The following RANBP3 variants were observed in gnomAD, a reference collection of about 807,000 sequenced individuals.
RANBP3 encodes RAN binding protein 3.
RANBP3 carries 14 observed loss-of-function variants against 77.3 expected under a neutral mutation model. The observed-to-expected ratio is 0.18, with a 90% CI of 0.12 to 0.28. RANBP3 has a LOEUF of 0.28. Among genes scored for constraint, RANBP3 ranks in the 10% least tolerant of loss-of-function variants. RANBP3 has a pLI of 1.00. For missense variants in RANBP3, 586 were observed against 752.3 expected (o/e 0.78, Z 2.59); for synonymous variants, 315 against 312.4 (o/e 1.01, Z -0.09).
rs115310383 is a variant in RANBP3 at position 5,958,983 on chromosome 19, G to A, written c.23-1010C>T. 5.3e-3 allele frequency among the ~76,000 whole-genome samples: 812 copies of A among 152,366 alleles called. 5 individuals are homozygous for A. Among genetic ancestry groups the A allele is most frequent in the African/African-American group, 0.018 (769 of 41,586 alleles). On this transcript the variant is annotated intron_variant, in intron 1 of 16. Transcript: ENST00000340578. This position sits in a 1 kb window ranked among gnomAD's most constrained non-coding sequence, Gnocchi z 4.4. ...CAGGCCCCCCGACCCCGGTCGTGGG[G>A]AGCCAGGCATTACCCAGGAAGCATG...
intron 2 of RANBP3, among the ~76,000 whole-genome samples, chr19:5,957,419 G>A (rs1389679571): frequency 6.6e-6 from 1 of 152,104 alleles, no homozygotes; most frequent in African/African-American, 2.4e-5. Flanking sequence ...AATATATAAT[G>A]CAAACAAATG....
chr19:5,917,144 G>T lies in RANBP3; in HGVS notation c.*466C>A. On this transcript the variant is annotated 3_prime_UTR_variant, in exon 17 of 17. Transcript: ENST00000340578. ...ACGAGCAGCCCCCCAAGCTGGGCGG[G>T]GGTCCCAGGCCTATAGTTGGGGAGC... 9.9e-6 allele frequency: 2 copies of T among 202,246 alleles called. No individual in the cohort carries two copies. The highest frequency in any genetic ancestry group is 8.0e-5 in the South Asian group (1 of 12,574). 12.5% of individuals were successfully genotyped at this position (202,246 alleles called of 1,614,324 possible).
At chr19:5,961,643 G>C (rs2145228706) in intron 1 of RANBP3, among the ~76,000 whole-genome samples, 1 of 152,192 alleles carries the variant, frequency 6.6e-6, no homozygotes, top group Admixed American at 6.5e-5. Flanking sequence ...TGAGGCAGGA[G>C]AATCACTTGA....
At chr19:5,957,851 G>A in intron 2 of RANBP3, 67 bp downstream of exon 2, 1 of 1,566,176 alleles carries the variant, frequency 6.4e-7, no homozygotes, top group South Asian at 1.1e-5. Flanking sequence ...ACCTGGAAAA[G>A]AGACTCTCAG....
At chr19:5,964,645 A>G (rs2058442035) in intron 1 of RANBP3, among the ~76,000 whole-genome samples, 1 of 151,912 alleles carries the variant, frequency 6.6e-6, no homozygotes, top group Non-Finnish European at 1.5e-5. Flanking sequence ...TGCTGCTGGG[A>G]GAGGGGCTGT....
At chr19:5,968,055 T>C (rs540383549) in intron 1 of RANBP3, among the ~76,000 whole-genome samples, 2 of 152,014 alleles carry the variant, frequency 1.3e-5, no homozygotes, top group African/African-American at 4.8e-5. Flanking sequence ...AAAAACTGCG[T>C]GGAGAGATGG....
intron 8 of RANBP3, 84 bp downstream of exon 8, chr19:5,931,320 G>A: frequency 6.7e-7 from 1 of 1,491,696 alleles, no homozygotes; most frequent in Non-Finnish European, 9.1e-7. Flanking sequence ...ACAGCGTGTG[G>A]ACTCCACAGC....
intron 5 of RANBP3, among the ~76,000 whole-genome samples, chr19:5,938,381 G>A (rs367679768): frequency 1.3e-5 from 2 of 152,250 alleles, no homozygotes; most frequent in African/African-American, 2.4e-5. Flanking sequence ...AAGGGGGAGC[G>A]GCTTTCCTTA....
intron 3 of RANBP3, among the ~76,000 whole-genome samples, chr19:5,949,683 G>C (rs2058251164): frequency 6.6e-6 from 1 of 152,172 alleles, no homozygotes; most frequent in African/African-American, 2.4e-5. Flanking sequence ...CTGCCAGTGT[G>C]GGGGACTGCT....
rs569254295 is a variant in RANBP3, at chr19:5,947,276, T to C, written c.282+4117A>G. Among the ~76,000 whole-genome samples the C allele has an allele frequency of 3.7e-4, 54 of 145,754 alleles. 1 individual carries two copies. The highest frequency in any genetic ancestry group is 1.4e-3 in the African/African-American group (53 of 38,884). On this transcript the variant is annotated intron_variant, in intron 3 of 16. Transcript: ENST00000340578. ...TTGCAGTGAGCCCAGATGGCGCCAC[T>C]GCTCTTCAGCCTGGGCAACAGAGGG...
chr19:5,932,833 T>C, intron 6 of RANBP3: 1 of 456,854 alleles, frequency 2.2e-6, no homozygotes, highest in Non-Finnish European at 3.9e-6. Flanking sequence ...AAGTGGAGAC[T>C]GTGGGAGGAG....
chr19:5,937,537 C>T (rs2058082658), intron 5 of RANBP3, among the ~76,000 whole-genome samples: 1 of 152,154 alleles, frequency 6.6e-6, no homozygotes, highest in African/African-American at 2.4e-5. Context: ...CTAATGGACT[C>T]ATGGAGCTGA....
At position 5,951,294 on chromosome 19, in the gene RANBP3, A is replaced by G. The variant is rs2058271082; in HGVS notation, c.282+99T>C. 4 of 1,134,622 alleles carry G rather than the reference A, an allele frequency of 3.5e-6. No individual in the cohort carries two copies. The Admixed American group carries it at 6.1e-5, about 17-fold the overall frequency. 70.3% of individuals were successfully genotyped at this position (1,134,622 alleles called of 1,614,324 possible). A position where few individuals can be genotyped will look rare whatever the true frequency, so the allele number is the denominator to read the frequency against. On this transcript the variant is annotated intron_variant, in intron 3 of 16. Transcript: ENST00000340578. ...TTTAAGTTACCATTAGCTGCTTACA[A>G]TTAGCTAGGGCCAGGATCTGAGGGA...
intron 7 of RANBP3, among the ~76,000 whole-genome samples, chr19:5,932,117 T>C (rs1041910137): frequency 1.3e-5 from 2 of 152,212 alleles, no homozygotes; most frequent in African/African-American, 2.4e-5. Context: ...TGAAATTCTA[T>C]CTGCAAACAC....
rs2058140492 is a variant in RANBP3 at position 5,941,782 on chromosome 19, G to A, written c.319+17C>T. The stretch of plus-strand genomic sequence containing the variant: ...TTTAAAACTGAAGATGGTCAAAGGT[G>A]TTAGAGAGCTCCTTACCTTCTCCGC... On this transcript the variant is annotated intron_variant, in intron 4 of 16. Coordinates refer to ENST00000340578, the MANE Select transcript of RANBP3 (RefSeq NM_007322.3). The A allele has an allele frequency of 6.2e-7, 1 of 1,612,216 alleles. No homozygotes were observed. The highest frequency in any genetic ancestry group is 8.5e-7 in the Non-Finnish European group (1 of 1,180,012).
Position 5,959,684 on chromosome 19 carries a change from G to A in RANBP3, c.23-1711C>T, listed in dbSNP as rs748048537. Among the ~76,000 whole-genome samples, 3 of 152,148 alleles carry A rather than the reference G, an allele frequency of 2.0e-5. No homozygotes were observed. The highest frequency in any genetic ancestry group is 4.4e-5 in the Non-Finnish European group (3 of 68,016). On this transcript the variant is annotated intron_variant, in intron 1 of 16. Transcript: ENST00000340578. The surrounding 1 kb of genome is among the most constrained non-coding windows in gnomAD (Gnocchi z 5.1). The stretch of plus-strand genomic sequence containing the variant: ...GCACCTATGCCAGGCAATAAATGAT[G>A]TCAAAGGAATGCTGGGGGACTCTGG...
In RANBP3 at chr19:5,958,745, G is replaced by A. The variant is rs1308668132; in HGVS notation, c.23-772C>T. Among the ~76,000 whole-genome samples, 2 of 152,262 alleles carry A rather than the reference G, an allele frequency of 1.3e-5. No individual in the cohort carries two copies. Among genetic ancestry groups the A allele is most frequent in the East Asian group, 1.9e-4 (1 of 5,194 alleles). ...GACTGCCTCGACCCCACGAGGAGGC[G>A]CAGACCACACCTGCCTCATGGCCTT... On this transcript the variant is annotated intron_variant, in intron 1 of 16. Coordinates refer to ENST00000340578, the MANE Select transcript of RANBP3 (RefSeq NM_007322.3). The surrounding 1 kb of genome is among the most constrained non-coding windows in gnomAD (Gnocchi z 4.4).
rs528396198 is a variant in RANBP3, at chr19:5,918,698, G to A, written c.1331-60C>T. 130 of 1,584,296 alleles carry A rather than the reference G, an allele frequency of 8.2e-5. No homozygotes were observed. The African/African-American group carries it at 1.5e-3, about 19-fold the overall frequency. On this transcript the variant is annotated intron_variant, in intron 14 of 16. Coordinates refer to ENST00000340578, the MANE Select transcript of RANBP3 (RefSeq NM_007322.3). ...ACACCGGCCCCCTCACAAACAGCCA[G>A]CTCCAAGAGCCAACACAGTCCAGAT... is the stretch of plus-strand genomic sequence containing the variant.
chr19:5,941,870 C>G (rs749327549), intron 3 of RANBP3, 35 bp from the exon 4 acceptor site: 40 of 1,611,580 alleles, frequency 2.5e-5, no homozygotes, highest in Non-Finnish European at 3.1e-5. Flanking sequence ...GGTCAGAGGG[C>G]ATCAGGCTCA....
Sources: allele counts gnomAD v4.1 joint callset (sites outside exome capture counted in the v4.1 genomes callset), GRCh38; gene constraint gnomAD v4.1.1; non-coding constraint Gnocchi (gnomAD v3.1); transcripts MANE v1.5; gene names NCBI Gene and HGNC (gene_info 2026-07-23, HGNC 2026-07-21).